Variants in CADPS2 observed in about 807,000 individuals in gnomAD.
CADPS2 encodes calcium-dependent secretion activator 2.
CADPS2 carries 93 observed loss-of-function variants against 172.5 expected under a neutral mutation model. The observed-to-expected ratio is 0.54, with a 90% CI of 0.46 to 0.64. The LOEUF (loss-of-function observed/expected upper bound fraction) is 0.64, where lower values mean the gene tolerates loss of function less well. Among genes scored for constraint, CADPS2 ranks in the 30% least tolerant of loss-of-function variants. The pLI is 0.00. For missense variants in CADPS2, 1,420 were observed against 1,565.9 expected (o/e 0.91, Z 1.57); for synonymous variants, 546 against 555.2 (o/e 0.98, Z 0.23).
intron 15 of CADPS2, 43 bp downstream of exon 15, chr7:122,451,326 TGAGTA>T (rs2053076281): frequency 2.0e-6 from 2 of 1,007,006 alleles, no homozygotes; most frequent in South Asian, 2.2e-5. Context: ...AAGTAAGGGT[TGAGTA>T]AAGTATGAAA....
intron 1 of CADPS2, among the ~76,000 whole-genome samples, chr7:122,863,940 G>A (rs902986283): frequency 1.4e-4 from 22 of 152,162 alleles, no homozygotes; most frequent in African/African-American, 4.8e-4. Flanking sequence ...TGAGGCAGGA[G>A]AACTGCTTGA....
chr7:122,726,658 T>C (rs891737100), intron 2 of CADPS2, among the ~76,000 whole-genome samples: 5 of 151,710 alleles, frequency 3.3e-5, no homozygotes, highest in African/African-American at 9.7e-5. Flanking sequence ...ACATAAAACT[T>C]ATGATGCTGT....
chr7:122,765,869 A>G (rs2093533463), intron 1 of CADPS2, among the ~76,000 whole-genome samples: 1 of 152,126 alleles, frequency 6.6e-6, no homozygotes, highest in Non-Finnish European at 1.5e-5. Context: ...TCTTATATAA[A>G]ATCCAGGTTG....
chr7:122,659,493 A>G (rs73220268), intron 3 of CADPS2, among the ~76,000 whole-genome samples: 8,066 of 152,222 alleles, frequency 0.053, 217 homozygotes, highest in Middle Eastern at 0.13. Context: ...GGACTGTGGG[A>G]TAACATGGGT....
chr7:122,414,376 T>C (rs745390745), intron 18 of CADPS2, among the ~76,000 whole-genome samples: 1 of 152,182 alleles, frequency 6.6e-6, no homozygotes, highest in Admixed American at 6.5e-5. Context: ...ATAAAAGATA[T>C]ACCTGTTTTG....
At chr7:122,349,986 C>T (rs539592725) in intron 27 of CADPS2, among the ~76,000 whole-genome samples, 6 of 152,266 alleles carry the variant, frequency 3.9e-5, no homozygotes, top group Admixed American at 2.6e-4. Flanking sequence ...AACAAGGAGA[C>T]AAATTTTTAA....
chr7:122,343,513 G>C (rs551686328), intron 28 of CADPS2, among the ~76,000 whole-genome samples: 1 of 152,276 alleles, frequency 6.6e-6, no homozygotes, highest in South Asian at 2.1e-4. Flanking sequence ...AAGAGGAGTT[G>C]GAAGTAGAGA....
At chr7:122,559,484 G>T (rs1408397819) in intron 7 of CADPS2, among the ~76,000 whole-genome samples, 1 of 152,072 alleles carries the variant, frequency 6.6e-6, no homozygotes, top group Non-Finnish European at 1.5e-5. Context: ...AAGATAAGAA[G>T]AGAGGGCCAG....
At chr7:122,405,716 T>G (rs1015108527) in intron 20 of CADPS2, among the ~76,000 whole-genome samples, 2 of 152,174 alleles carry the variant, frequency 1.3e-5, no homozygotes, top group African/African-American at 4.8e-5. Context: ...GATTCGCATA[T>G]GGATAATTGC....
chr7:122,817,722 C>G (rs920556282), intron 1 of CADPS2, among the ~76,000 whole-genome samples: 7 of 151,988 alleles, frequency 4.6e-5, no homozygotes, highest in Non-Finnish European at 1.0e-4. Flanking sequence ...AAGTACCCCT[C>G]AACCCCTTCT....
chr7:122,705,947 A>ATATATTATATAT (rs1564125413), intron 2 of CADPS2, among the ~76,000 whole-genome samples: 44 of 960 alleles, frequency 0.046, 16 homozygotes, highest in African/African-American at 0.048. Flanking sequence ...ATATAATATA[A>ATATATTATATAT]TATATAATAT....
intron 7 of CADPS2, among the ~76,000 whole-genome samples, chr7:122,570,196 A>G (rs530120193): frequency 6.6e-6 from 1 of 151,942 alleles, no homozygotes; most frequent in South Asian, 2.1e-4. Flanking sequence ...GAAAAAAACA[A>G]ACAAGCCCAT....
At chr7:122,816,611 T>C (rs1053305022) in intron 1 of CADPS2, among the ~76,000 whole-genome samples, 1 of 152,236 alleles carries the variant, frequency 6.6e-6, no homozygotes, top group African/African-American at 2.4e-5. Context: ...ACCTCCATAC[T>C]GTTTTCCATA....
intron 7 of CADPS2, among the ~76,000 whole-genome samples, chr7:122,564,849 A>ACACGCG (rs780937258): frequency 1.1e-5 from 1 of 87,812 alleles, no homozygotes; most frequent in Non-Finnish European, 3.1e-5. Flanking sequence ...ACACACATGC[A>ACACGCG]CACACACACA....
intron 3 of CADPS2, among the ~76,000 whole-genome samples, chr7:122,643,037 G>A (rs973429469): frequency 8.6e-5 from 13 of 152,000 alleles, no homozygotes; most frequent in African/African-American, 3.1e-4. Context: ...TTCCTAGCTG[G>A]TTCACTGTAT....
intron 2 of CADPS2, among the ~76,000 whole-genome samples, chr7:122,679,160 G>A (rs991168179): frequency 2.0e-5 from 3 of 150,320 alleles, no homozygotes; most frequent in African/African-American, 7.3e-5. Flanking sequence ...GCAGGACAGA[G>A]CCATATTTCT....
At chr7:122,564,957 G>A (rs1335104199) in intron 7 of CADPS2, among the ~76,000 whole-genome samples, 1 of 151,894 alleles carries the variant, frequency 6.6e-6, no homozygotes, top group Admixed American at 6.6e-5. Flanking sequence ...ATTATCCTAA[G>A]TGAAATAATT....
At chr7:122,502,636 A>C (rs2059298566) in intron 9 of CADPS2, among the ~76,000 whole-genome samples, 1 of 152,104 alleles carries the variant, frequency 6.6e-6, no homozygotes, top group Non-Finnish European at 1.5e-5. Context: ...TGTAATAATT[A>C]CTTAATTATA....
chr7:122,573,440 T>A (rs2132588951), intron 7 of CADPS2, among the ~76,000 whole-genome samples: 1 of 152,110 alleles, frequency 6.6e-6, no homozygotes, highest in African/African-American at 2.4e-5. Flanking sequence ...CTTGGGAGGC[T>A]GAGGTGGGAG....
Sources: gnomAD v4.1 joint callset for allele counts (sites outside exome capture counted in the v4.1 genomes callset) on GRCh38, gnomAD v4.1.1 for gene constraint, MANE v1.5 for transcripts, NCBI Gene and HGNC (gene_info 2026-07-23, HGNC 2026-07-21) for gene names.